The following PSMD1 variants were observed in gnomAD, a reference collection of about 807,000 sequenced individuals.
PSMD1 encodes the protein proteasome 26S subunit, non-ATPase 1.
Under a neutral mutation model 119.0 loss-of-function variants are expected in PSMD1, and 18 were observed. That is an observed-to-expected ratio of 0.15 (90% CI 0.10 to 0.22). PSMD1 has a LOEUF of 0.22. Ranked by LOEUF, PSMD1 falls within the 10% of genes least tolerant of loss-of-function variation. The pLI, the probability that PSMD1 is intolerant of heterozygous loss-of-function variation, is 1.00. For synonymous variants in PSMD1, 374 were observed against 396.6 expected, an observed-to-expected ratio of 0.94 and a Z score of 0.68; for missense variants, 702 against 1,158.5, an observed-to-expected ratio of 0.61 and a Z score of 5.72.
At chr2:231,154,414 A>G (rs1417803547) in intron 19 of PSMD1, among the ~76,000 whole-genome samples, 3 of 152,188 alleles carry the variant, frequency 2.0e-5, no homozygotes, top group African/African-American at 7.2e-5. Flanking sequence ...AGTCTGGGTG[A>G]CAGTGACAGT....
At chr2:231,152,680 T>G (rs184380980) in intron 18 of PSMD1, among the ~76,000 whole-genome samples, 1 of 152,318 alleles carries the variant, frequency 6.6e-6, no homozygotes, top group East Asian at 1.9e-4. Context: ...GTCATTATAT[T>G]AGGAAACTCA....
intron 21 of PSMD1, among the ~76,000 whole-genome samples, chr2:231,164,530 G>A (rs1696711789): frequency 6.6e-6 from 1 of 151,806 alleles, no homozygotes; most frequent in Admixed American, 6.6e-5. Flanking sequence ...TGTAAATTTT[G>A]TGTATAAGTA....
At chr2:231,102,620 A>G (rs1694895043) in intron 16 of PSMD1, among the ~76,000 whole-genome samples, 1 of 152,232 alleles carries the variant, frequency 6.6e-6, no homozygotes, top group South Asian at 2.1e-4. Flanking sequence ...GTGCAAGCGG[A>G]TCATCAGAAA....
At chr2:231,148,548 AT>A (rs1443568344) in intron 18 of PSMD1, among the ~76,000 whole-genome samples, 1 of 152,250 alleles carries the variant, frequency 6.6e-6, no homozygotes, top group Non-Finnish European at 1.5e-5. Context: ...TTAGACACTG[AT>A]TAAAATGTCA....
At chr2:231,111,040 T>A (rs1695141094) in intron 16 of PSMD1, among the ~76,000 whole-genome samples, 1 of 152,210 alleles carries the variant, frequency 6.6e-6, no homozygotes, top group Non-Finnish European at 1.5e-5. Flanking sequence ...CCATCTTGCT[T>A]TTCTGTTAAC....
chr2:231,062,813 T>C (rs999187000), intron 4 of PSMD1, 138 bp downstream of exon 4: 1 of 725,578 alleles, frequency 1.4e-6, no homozygotes, highest in African/African-American at 1.8e-5. Flanking sequence ...ATAATAATTT[T>C]ATGCAGGCTG....
chr2:231,166,128 A>G, intron 23 of PSMD1, 111 bp downstream of exon 23: 1 of 1,062,244 alleles, frequency 9.4e-7, no homozygotes, highest in Non-Finnish European at 1.3e-6. Flanking sequence ...CAAGCTCACT[A>G]GTTCTAAGAA....
In PSMD1 at chr2:231,138,345, G is replaced by A. The variant is rs139236173; in HGVS notation, c.1884-391G>A. Reference sequence around the variant, plus strand: ...TTCATGTAACTTAGGAAATGTCCAGGAATTACTATAAATGACTTTTGTCTT... The same window carrying A: ...TTCATGTAACTTAGGAAATGTCCAGAAATTACTATAAATGACTTTTGTCTT... On this transcript the variant is annotated intron_variant, in intron 16 of 24. Coordinates refer to ENST00000308696, the MANE Select transcript of PSMD1 (RefSeq NM_002807.4). 3.7e-3 allele frequency among the ~76,000 whole-genome samples: 562 copies of A among 152,260 alleles called. 6 individuals are homozygous for A. Among genetic ancestry groups the A allele is most frequent in the Non-Finnish European group, 5.3e-3 (361 of 68,020 alleles).
intron 20 of PSMD1, among the ~76,000 whole-genome samples, chr2:231,162,626 G>T (rs550830618): frequency 6.6e-6 from 1 of 152,170 alleles, no homozygotes; most frequent in South Asian, 2.1e-4. Flanking sequence ...TCCTTATGGT[G>T]GTATTTATTA....
intron 16 of PSMD1, among the ~76,000 whole-genome samples, chr2:231,131,306 G>A (rs1695847667): frequency 6.6e-6 from 1 of 152,034 alleles, no homozygotes; most frequent in Admixed American, 6.5e-5. Flanking sequence ...TAATCATGCT[G>A]CGATCTATTC....
chr2:231,058,846 G>C (rs1373372965), intron 1 of PSMD1, among the ~76,000 whole-genome samples: 3 of 151,670 alleles, frequency 2.0e-5, no homozygotes, highest in Non-Finnish European at 4.4e-5. Context: ...TCAATCTTTT[G>C]TCTCAACTCA....
Position 231,166,167 on chromosome 2 carries a change from T to C in PSMD1, c.2715+150T>C, listed in dbSNP as rs896432513. ...ATTTAACAAAAGAGAGAATGTTCTT[T>C]TCCATTTCATATAGATTTGGGAGAA... On this transcript the variant is annotated intron_variant, in intron 23 of 24. Transcript: ENST00000308696. 8.6e-6 allele frequency: 8 copies of C among 929,028 alleles called. No individual in the cohort carries two copies. In the Admixed American group the frequency reaches 2.4e-4, roughly 28 times the overall value. 57.5% of individuals were successfully genotyped at this position (929,028 alleles called of 1,614,324 possible).
intron 5 of PSMD1, among the ~76,000 whole-genome samples, chr2:231,069,212 A>G (rs1250093323): frequency 6.6e-6 from 1 of 152,202 alleles, no homozygotes; most frequent in South Asian, 2.1e-4. Context: ...CAGAGTAACA[A>G]ATGCATCTTT....
chr2:231,076,998 T>G (rs1261841554), intron 8 of PSMD1, 36 bp from the exon 9 acceptor site: 2 of 1,577,478 alleles, frequency 1.3e-6, no homozygotes, highest in East Asian at 4.5e-5. Flanking sequence ...TAATACTGTT[T>G]ATGAGTTTTC....
intron 16 of PSMD1, among the ~76,000 whole-genome samples, chr2:231,129,341 T>G (rs1695801531): frequency 1.3e-5 from 2 of 152,190 alleles, no homozygotes; most frequent in Admixed American, 6.5e-5. Context: ...ATTACAGATT[T>G]CTGTAGGTCC....
At chr2:231,106,040 T>C (rs527352714) in intron 16 of PSMD1, among the ~76,000 whole-genome samples, 1 of 151,578 alleles carries the variant, frequency 6.6e-6, no homozygotes, top group South Asian at 2.1e-4. Context: ...TTTTCAAAAT[T>C]ATTCTAAATA....
intron 17 of PSMD1, among the ~76,000 whole-genome samples, chr2:231,139,374 A>G (rs1264546972): frequency 4.9e-5 from 6 of 122,906 alleles, no homozygotes; most frequent in East Asian, 2.6e-4. Context: ...GCTGAAGTGC[A>G]GTGGCAGGAA....
intron 12 of PSMD1, 119 bp downstream of exon 12, chr2:231,080,433 C>A: frequency 2.4e-6 from 2 of 827,796 alleles, no homozygotes; most frequent in East Asian, 3.0e-5. Flanking sequence ...AAACAACTGT[C>A]ATCTTGGATT....
chr2:231,087,728 C>T (rs191818850), intron 16 of PSMD1, among the ~76,000 whole-genome samples: 1 of 152,100 alleles, frequency 6.6e-6, no homozygotes, highest in Non-Finnish European at 1.5e-5. Flanking sequence ...TTTGGGAGGC[C>T]GAGGAAGGCG....
Sources: allele counts gnomAD v4.1 joint callset (sites outside exome capture counted in the v4.1 genomes callset), GRCh38; gene constraint gnomAD v4.1.1; transcripts MANE v1.5; gene names NCBI Gene and HGNC (gene_info 2026-07-23, HGNC 2026-07-21).